PCDH9: variants seen among roughly 807,000 people sequenced by gnomAD.
PCDH9 encodes protocadherin-9.
In PCDH9, 24 loss-of-function variants were observed where a neutral mutation model predicts 70.6. The ratio of observed to expected loss-of-function variants is 0.34; its 90% CI spans 0.25 to 0.48. PCDH9 has a LOEUF of 0.48. PCDH9 is among the 20% of genes least tolerant of loss of function. The pLI is 0.99. For synonymous variants in PCDH9, 562 were observed against 558.5 expected (o/e 1.01, Z -0.09); for missense variants, 1,281 against 1,503.6 (o/e 0.85, Z 2.45).
At chr13:67,075,648 G>A (rs751974234) in intron 2 of PCDH9, among the ~76,000 whole-genome samples, 6 of 151,718 alleles carry the variant, frequency 4.0e-5, no homozygotes, top group South Asian at 4.2e-4. Context: ...TATGTCCTTC[G>A]TTCTACACTT....
intron 3 of PCDH9, among the ~76,000 whole-genome samples, chr13:66,634,453 G>C (rs781097175): frequency 6.6e-6 from 1 of 152,166 alleles, no homozygotes; most frequent in Admixed American, 6.6e-5. Context: ...AAGGATTTCT[G>C]TTGTGTTTAA....
rs145671246 is a variant in PCDH9, at chr13:66,454,647, G to C, written c.3341-149619C>G. On this transcript the variant is annotated intron_variant, in intron 4 of 4. Coordinates refer to ENST00000377865, the MANE Select transcript of PCDH9 (RefSeq NM_203487.3). The stretch of plus-strand genomic sequence containing the variant: ...AGACTATCCATTCTCGTGGGAGAAG[G>C]ATAATGAAGTAAAGGTCAGGGGTTA... Among the ~76,000 whole-genome samples, 355 of 152,252 alleles carry C rather than the reference G, an allele frequency of 2.3e-3. 3 individuals are homozygous for C. The highest frequency in any genetic ancestry group is 3.1e-3 in the Non-Finnish European group (211 of 68,010).
chr13:66,388,331 G>A (rs1310001671), intron 4 of PCDH9, among the ~76,000 whole-genome samples: 2 of 152,108 alleles, frequency 1.3e-5, no homozygotes, highest in Non-Finnish European at 2.9e-5. Flanking sequence ...AATAATTTCA[G>A]TGAACTGATT....
intron 4 of PCDH9, among the ~76,000 whole-genome samples, chr13:66,470,710 T>G (rs559597467): frequency 2.0e-5 from 3 of 148,172 alleles, no homozygotes; most frequent in Non-Finnish European, 4.5e-5. Flanking sequence ...AGAACAGACA[T>G]GAGCTCTGAA....
intron 2 of PCDH9, among the ~76,000 whole-genome samples, chr13:66,904,435 T>C (rs890914280): frequency 6.6e-6 from 1 of 152,042 alleles, no homozygotes; most frequent in African/African-American, 2.4e-5. Flanking sequence ...TTTGTAAGTA[T>C]TGCTGTCTGG....
chr13:66,877,643 T>C (rs1480502239), intron 3 of PCDH9, among the ~76,000 whole-genome samples: 1 of 152,174 alleles, frequency 6.6e-6, no homozygotes, highest in Admixed American at 6.6e-5. Context: ...TTTTTCCCTC[T>C]AGGCATCTTA....
rs142167042 is a variant in PCDH9 at position 66,757,263 on chromosome 13, G to C, written c.3139-125852C>G. Among the ~76,000 whole-genome samples the C allele has an allele frequency of 4.7e-4, 71 of 152,260 alleles. 1 individual carries two copies. In the East Asian group the frequency reaches 0.013, roughly 28 times the overall value. On this transcript the variant is annotated intron_variant, in intron 3 of 4. Coordinates refer to ENST00000377865, the MANE Select transcript of PCDH9 (RefSeq NM_203487.3). ...GAACTGCCCTTCCCTTGGATTGAAT[G>C]ACTTCATGAATGACAGCCATTCATT... is the stretch of plus-strand genomic sequence containing the variant.
At chr13:66,354,607 AG>A (rs1226805887) in intron 4 of PCDH9, among the ~76,000 whole-genome samples, 1 of 152,172 alleles carries the variant, frequency 6.6e-6, no homozygotes, top group Non-Finnish European at 1.5e-5. Context: ...AGGGAAAAAA[AG>A]AATGCAAAAG....
intron 2 of PCDH9, among the ~76,000 whole-genome samples, chr13:66,951,075 T>A (rs982197836): frequency 2.0e-5 from 3 of 152,208 alleles, no homozygotes; most frequent in Non-Finnish European, 4.4e-5. Flanking sequence ...AAGTATGTGG[T>A]GCAATGGGCA....
At chr13:66,776,893 C>A (rs553036632) in intron 3 of PCDH9, among the ~76,000 whole-genome samples, 1 of 142,174 alleles carries the variant, frequency 7.0e-6, no homozygotes, top group Admixed American at 7.2e-5. Context: ...TACAAGGCTA[C>A]AGTAACCAAA....
intron 4 of PCDH9, among the ~76,000 whole-genome samples, chr13:66,473,894 T>C (rs1958668295): frequency 6.6e-6 from 1 of 152,156 alleles, no homozygotes; most frequent in African/African-American, 2.4e-5. Context: ...AGTTTGCCGT[T>C]ATCAAACAAC....
chr13:67,149,421 A>G (rs4883797), intron 2 of PCDH9, among the ~76,000 whole-genome samples: 98,592 of 151,818 alleles, frequency 0.65, 32,396 homozygotes, highest in East Asian at 0.84. Flanking sequence ...TGAGAATTCA[A>G]TAAGATATTT....
intron 3 of PCDH9, among the ~76,000 whole-genome samples, chr13:66,838,493 C>A (rs532207646): frequency 6.6e-6 from 1 of 151,834 alleles, no homozygotes; most frequent in South Asian, 2.1e-4. Flanking sequence ...TTAAATTTAG[C>A]CAGGTTTTCA....
intron 4 of PCDH9, among the ~76,000 whole-genome samples, chr13:66,365,703 A>G (rs1408720724): frequency 6.6e-6 from 1 of 152,196 alleles, no homozygotes; most frequent in Non-Finnish European, 1.5e-5. Context: ...AATCCATCTC[A>G]AATAGTTAAT....
intron 4 of PCDH9, among the ~76,000 whole-genome samples, chr13:66,326,499 A>G (rs1955849397): frequency 6.6e-6 from 1 of 151,502 alleles, no homozygotes. Flanking sequence ...GCTCACTGCA[A>G]GCTCCGCCTC....
chr13:66,562,900 T>C (rs899889545), intron 4 of PCDH9, among the ~76,000 whole-genome samples: 8 of 152,180 alleles, frequency 5.3e-5, no homozygotes, highest in African/African-American at 1.9e-4. Flanking sequence ...AACTGGAGTA[T>C]ATGCATGTGT....
In PCDH9 at chr13:67,147,476, G is replaced by C. The variant is rs1448034400; in HGVS notation, c.3036+77929C>G. On this transcript the variant is annotated intron_variant, in intron 2 of 4. Coordinates refer to ENST00000377865, the MANE Select transcript of PCDH9 (RefSeq NM_203487.3). ...CTAAACAGTCAGGGCCCAGTCTTCA[G>C]CTCTCCTGTTCAGGCAGCCTGCAGT... 2.0e-5 allele frequency among the ~76,000 whole-genome samples: 3 copies of C among 152,286 alleles called. No homozygotes were observed. The East Asian group carries it at 5.8e-4, about 29-fold the overall frequency.
intron 3 of PCDH9, among the ~76,000 whole-genome samples, chr13:66,775,070 G>A (rs2079868925): frequency 6.6e-6 from 1 of 152,100 alleles, no homozygotes; most frequent in Admixed American, 6.6e-5. Flanking sequence ...AAAAGAAAGT[G>A]CATTTTACCT....
chr13:66,679,329 T>C (rs148325112), intron 3 of PCDH9, among the ~76,000 whole-genome samples: 17 of 151,946 alleles, frequency 1.1e-4, no homozygotes, highest in African/African-American at 3.9e-4. Context: ...TATAATATGA[T>C]ATTATAGTGA....
Sources: gnomAD v4.1 joint callset for allele counts (sites outside exome capture counted in the v4.1 genomes callset) on GRCh38, gnomAD v4.1.1 for gene constraint, MANE v1.5 for transcripts, NCBI Gene and HGNC (gene_info 2026-07-23, HGNC 2026-07-21) for gene names.